PTGFRN: variants seen among roughly 807,000 people sequenced by gnomAD.
PTGFRN encodes the protein prostaglandin F2 receptor inhibitor.
A neutral mutation model predicts 83.2 loss-of-function variants in PTGFRN; 35 were observed. That is an observed-to-expected ratio of 0.42 (90% CI 0.32 to 0.56). PTGFRN has a LOEUF of 0.56. Among genes scored for constraint, PTGFRN ranks in the 20% least tolerant of loss-of-function variants. The pLI is 0.11. For missense variants in PTGFRN, 1,051 were observed against 1,179.5 expected, an observed-to-expected ratio of 0.89 and a Z score of 1.60; for synonymous variants, 519 against 498.6, an observed-to-expected ratio of 1.04 and a Z score of -0.55.
intron 4 of PTGFRN, among the ~76,000 whole-genome samples, chr1:116,953,860 T>TA (rs1346311964): frequency 2.0e-5 from 3 of 150,540 alleles, no homozygotes. Flanking sequence ...TTTCTTTTTT[T>TA]TTTTTTTTTT....
intron 4 of PTGFRN, among the ~76,000 whole-genome samples, chr1:116,959,330 A>G (rs188389967): frequency 3.7e-4 from 56 of 152,302 alleles, no homozygotes; most frequent in Admixed American, 2.3e-3. Context: ...GGATTTCTCT[A>G]TGGTGTCCAC....
rs767542204 is a variant in PTGFRN at position 116,944,949 on chromosome 1, A to G, written c.689A>G (p.Tyr230Cys). The G allele has an allele frequency of 2.2e-5, 35 of 1,613,108 alleles. No individual in the cohort carries two copies. Among genetic ancestry groups the G allele is most frequent in the Admixed American group, 1.7e-5 (1 of 59,974 alleles). The change falls in exon 3 of 9, where the codon TAC becomes TGC. Residue 230 changes from tyrosine (Y) to cysteine (C), a missense_variant. Tyr to Cys is a radical substitution (Grantham distance 194). Coordinates refer to ENST00000393203, the MANE Select transcript of PTGFRN (RefSeq NM_020440.4). ...CTCGACACCGTGGGCAGCGACGCCT[A>G]CCGCCTCTCAGTGTCCCGGGCTCTG... is the stretch of plus-strand genomic sequence containing the variant. ...VRLDTVGSDA[Y>C]RLSVSRALSA...
chr1:116,937,227 T>C (rs1218964980), intron 1 of PTGFRN, among the ~76,000 whole-genome samples: 2 of 149,178 alleles, frequency 1.3e-5, no homozygotes, highest in Non-Finnish European at 3.0e-5. Context: ...AGACAGGAAG[T>C]CCAAGAAACA....
intron 1 of PTGFRN, among the ~76,000 whole-genome samples, chr1:116,914,274 C>T (rs928263853): frequency 1.3e-5 from 2 of 152,158 alleles, no homozygotes; most frequent in African/African-American, 4.8e-5. Flanking sequence ...CTTTGTGGGT[C>T]AGACTTGAAA....
At chr1:116,931,017 C>T (rs911230449) in intron 1 of PTGFRN, among the ~76,000 whole-genome samples, 2 of 152,182 alleles carry the variant, frequency 1.3e-5, no homozygotes. Context: ...CCCTGAGGCA[C>T]CTGTTAGTGC....
chr1:116,980,417 T>C (rs1181935071), intron 7 of PTGFRN, among the ~76,000 whole-genome samples: 2 of 152,244 alleles, frequency 1.3e-5, no homozygotes, highest in Admixed American at 1.3e-4. Context: ...TGTGTGTTTA[T>C]TGCAGCACTA....
At position 116,944,788 on chromosome 1, in the gene PTGFRN, G is replaced by A. The variant is rs772694537; in HGVS notation, c.528G>A (p.Pro176=). The A allele has an allele frequency of 7.0e-6, 11 of 1,563,106 alleles. No individual in the cohort carries two copies. Among genetic ancestry groups the A allele is most frequent in the South Asian group, 6.9e-5 (6 of 86,508 alleles). ...GCTGCACCGCCGCCTCCGCCTCGCCGCTGCACACGCACCTGGCGCTGCTGT... is the reference window on the plus strand; with the variant it reads ...GCTGCACCGCCGCCTCCGCCTCGCCACTGCACACGCACCTGGCGCTGCTGT... The part of the protein sequence containing the change: ...ELRCTAASAS[P]LHTHLALLWE... Residue 176 remains proline, a synonymous_variant, in exon 3 of 9, where the codon CCG becomes CCA. Transcript: ENST00000393203.
chr1:116,956,197 A>T (rs772688238), intron 4 of PTGFRN, among the ~76,000 whole-genome samples: 1 of 152,232 alleles, frequency 6.6e-6, no homozygotes, highest in Non-Finnish European at 1.5e-5. Context: ...GCTGGTGGAT[A>T]GCTCAAATGA....
chr1:116,969,617 G>A (rs910453377), intron 6 of PTGFRN, among the ~76,000 whole-genome samples: 2 of 152,120 alleles, frequency 1.3e-5, no homozygotes, highest in Non-Finnish European at 2.9e-5. Context: ...GGATCCGCCT[G>A]TTAATTTCTA....
intron 6 of PTGFRN, among the ~76,000 whole-genome samples, chr1:116,969,546 T>C (rs979086867): frequency 4.6e-5 from 7 of 152,206 alleles, no homozygotes; most frequent in South Asian, 2.1e-4. Flanking sequence ...ATTTCCAATT[T>C]TGTTCTTTTT....
At chr1:116,938,290 G>A (rs1025754804) in intron 1 of PTGFRN, among the ~76,000 whole-genome samples, 3 of 152,134 alleles carry the variant, frequency 2.0e-5, no homozygotes, top group African/African-American at 7.2e-5. Context: ...ATATTAGTCC[G>A]TTTTCACGCT....
chr1:116,954,454 C>A (rs1650432201), intron 4 of PTGFRN, among the ~76,000 whole-genome samples: 1 of 152,228 alleles, frequency 6.6e-6, no homozygotes, highest in South Asian at 2.1e-4. Context: ...AATAATAAAA[C>A]CCTGTCATCA....
Position 116,944,662 on chromosome 1 carries a change from G to C in PTGFRN, c.419-17G>C. On this transcript the variant is annotated splice_polypyrimidine_tract_variant and intron_variant, in intron 2 of 8. Coordinates refer to ENST00000393203, the MANE Select transcript of PTGFRN (RefSeq NM_020440.4). ...TCGGTGTGGACGGGCTACTGACCTAGCTTTCTCTCTCCGCAGTGCTGGCCG... is the reference window on the plus strand; with the variant it reads ...TCGGTGTGGACGGGCTACTGACCTACCTTTCTCTCTCCGCAGTGCTGGCCG... The C allele has an allele frequency of 7.1e-7, 1 of 1,406,540 alleles. No homozygotes were observed. The highest frequency in any genetic ancestry group is 1.7e-5 in the South Asian group (1 of 57,434). 87.1% of individuals were successfully genotyped at this position (1,406,540 alleles called of 1,614,324 possible).
chr1:116,977,467 T>C (rs1651189873), intron 7 of PTGFRN, among the ~76,000 whole-genome samples: 1 of 152,134 alleles, frequency 6.6e-6, no homozygotes, highest in Admixed American at 6.6e-5. Context: ...ACTTCCAAAA[T>C]AGTTGGAAGT....
chr1:116,922,429 C>T (rs1352318929), intron 1 of PTGFRN, among the ~76,000 whole-genome samples: 1 of 152,118 alleles, frequency 6.6e-6, no homozygotes, highest in Non-Finnish European at 1.5e-5. Flanking sequence ...CATCGGAGTC[C>T]TATTTTCATT....
intron 4 of PTGFRN, among the ~76,000 whole-genome samples, chr1:116,960,787 G>A (rs914521271): frequency 1.3e-5 from 2 of 152,168 alleles, no homozygotes; most frequent in African/African-American, 2.4e-5. Context: ...GATGGGCCTC[G>A]AGTTCTGGAA....
At chr1:116,981,731 G>T (rs1434863476) in intron 7 of PTGFRN, among the ~76,000 whole-genome samples, 2 of 152,380 alleles carry the variant, frequency 1.3e-5, no homozygotes, top group Non-Finnish European at 2.9e-5. Context: ...TGCCATTGTA[G>T]TGTGAAAGAA....
At chr1:116,930,396 G>A (rs985017381) in intron 1 of PTGFRN, among the ~76,000 whole-genome samples, 10 of 151,998 alleles carry the variant, frequency 6.6e-5, no homozygotes, top group African/African-American at 1.7e-4. Flanking sequence ...TCTGTCTCCC[G>A]ATGGTGTCAT....
intron 7 of PTGFRN, among the ~76,000 whole-genome samples, chr1:116,980,001 C>T (rs1186495983): frequency 2.7e-5 from 4 of 149,046 alleles, no homozygotes; most frequent in Non-Finnish European, 3.0e-5. Flanking sequence ...CCAGACTCTA[C>T]GAAGAACTCA....
Sources: gnomAD v4.1 joint callset for allele counts (sites outside exome capture counted in the v4.1 genomes callset) on GRCh38, gnomAD v4.1.1 for gene constraint, MANE v1.5 for transcripts, NCBI Gene and HGNC (gene_info 2026-07-23, HGNC 2026-07-21) for gene names.